The following PTPRT variants were observed in gnomAD, a reference collection of about 807,000 sequenced individuals.
PTPRT encodes the protein receptor-type tyrosine-protein phosphatase T.
A neutral mutation model predicts 176.8 loss-of-function variants in PTPRT; 56 were observed. The ratio of observed to expected loss-of-function variants is 0.32; its 90% CI spans 0.26 to 0.40. The LOEUF (loss-of-function observed/expected upper bound fraction) is 0.40, where lower values mean the gene tolerates loss of function less well. Ranked by LOEUF, PTPRT falls within the 10% of genes least tolerant of loss-of-function variation. The pLI, the probability that PTPRT is intolerant of heterozygous loss-of-function variation, is 1.00. For missense variants in PTPRT, 1,540 were observed against 1,908.2 expected (o/e 0.81, Z 3.60); for synonymous variants, 783 against 739.0 (o/e 1.06, Z -0.96).
intron 12 of PTPRT, among the ~76,000 whole-genome samples, chr20:42,289,175 G>T (rs1185029386): frequency 6.6e-6 from 1 of 151,984 alleles, no homozygotes; most frequent in Admixed American, 6.6e-5. Context: ...AAAAATCCTA[G>T]AAGAAAACCT....
intron 6 of PTPRT, among the ~76,000 whole-genome samples, chr20:42,717,473 C>G (rs1261280892): frequency 6.6e-6 from 1 of 151,982 alleles, no homozygotes; most frequent in African/African-American, 2.4e-5. Context: ...ATCAAAGTGA[C>G]AGTTTTTATA....
chr20:42,351,231 C>T (rs192371604), intron 10 of PTPRT, among the ~76,000 whole-genome samples: 1 of 152,092 alleles, frequency 6.6e-6, no homozygotes, highest in East Asian at 1.9e-4. Context: ...TATTAAAACC[C>T]ACATCCTTTT....
intron 1 of PTPRT, among the ~76,000 whole-genome samples, chr20:42,946,785 C>A (rs140399563): frequency 1.3e-5 from 2 of 152,180 alleles, no homozygotes; most frequent in Admixed American, 6.5e-5. Flanking sequence ...GGATTTACAA[C>A]GGGGTTTCTC....
intron 14 of PTPRT, among the ~76,000 whole-genome samples, chr20:42,241,626 T>G (rs2056355864): frequency 6.6e-6 from 1 of 151,958 alleles, no homozygotes; most frequent in African/African-American, 2.4e-5. Flanking sequence ...AGGTCAGCAG[T>G]GTGCAAGGTG....
At chr20:42,806,956 C>T (rs762767612) in intron 2 of PTPRT, among the ~76,000 whole-genome samples, 3 of 152,166 alleles carry the variant, frequency 2.0e-5, no homozygotes, top group Admixed American at 6.5e-5. Flanking sequence ...AGAAGTATTC[C>T]TTCCAGCCCA....
At chr20:42,142,530 A>C (rs1988676906) in intron 17 of PTPRT, among the ~76,000 whole-genome samples, 1 of 152,162 alleles carries the variant, frequency 6.6e-6, no homozygotes, top group South Asian at 2.1e-4. Context: ...GGCTTCTCCA[A>C]GAAGGTAACA....
intron 24 of PTPRT, among the ~76,000 whole-genome samples, chr20:42,105,666 C>A (rs1986371854): frequency 6.6e-6 from 1 of 152,230 alleles, no homozygotes; most frequent in African/African-American, 2.4e-5. Context: ...ACCAGCAAGC[C>A]TGGCTTCTGC....
intron 6 of PTPRT, among the ~76,000 whole-genome samples, chr20:42,746,470 C>T (rs1268596794): frequency 6.6e-6 from 1 of 152,044 alleles, no homozygotes; most frequent in Non-Finnish European, 1.5e-5. Context: ...ATAGCCATGG[C>T]CTCTGACCCA....
chr20:42,870,563 T>C (rs148319038), intron 2 of PTPRT, among the ~76,000 whole-genome samples: 1 of 152,372 alleles, frequency 6.6e-6, no homozygotes, highest in East Asian at 1.9e-4. Context: ...GGACTGCACA[T>C]ATGAAGGTGG....
At chr20:42,670,264 A>G (rs1251631318) in intron 7 of PTPRT, among the ~76,000 whole-genome samples, 1 of 152,190 alleles carries the variant, frequency 6.6e-6, no homozygotes, top group Non-Finnish European at 1.5e-5. Flanking sequence ...TGCAAGGCAT[A>G]TAACTTATCT....
intron 17 of PTPRT, among the ~76,000 whole-genome samples, chr20:42,154,599 C>T (rs950780055): frequency 6.6e-6 from 1 of 152,216 alleles, no homozygotes; most frequent in African/African-American, 2.4e-5. Flanking sequence ...CTTCTGGTTG[C>T]CCTACTGGGC....
At chr20:42,532,589 G>A (rs954378969) in intron 7 of PTPRT, among the ~76,000 whole-genome samples, 1 of 152,142 alleles carries the variant, frequency 6.6e-6, no homozygotes, top group African/African-American at 2.4e-5. Context: ...AAATGTTTTG[G>A]TAAAGATAGT....
intron 7 of PTPRT, among the ~76,000 whole-genome samples, chr20:42,655,225 C>A (rs1238429540): frequency 6.6e-6 from 1 of 152,216 alleles, no homozygotes; most frequent in Non-Finnish European, 1.5e-5. Context: ...TGCAGTGGCT[C>A]ACGCCTGTAA....
chr20:42,848,744 C>G (rs969231103), intron 2 of PTPRT, among the ~76,000 whole-genome samples: 2 of 152,180 alleles, frequency 1.3e-5, no homozygotes, highest in Admixed American at 1.3e-4. Flanking sequence ...GGCAAAATTT[C>G]TCTCCCATTT....
At chr20:42,574,127 TGCAGAGCCAG>T (rs1226524587) in intron 7 of PTPRT, among the ~76,000 whole-genome samples, 1 of 152,180 alleles carries the variant, frequency 6.6e-6, no homozygotes, top group Non-Finnish European at 1.5e-5. Context: ...CTATGTGGGT[TGCAGAGCCAG>T]GCAGAGCATT....
chr20:42,650,908 A>G (rs2075017770), intron 7 of PTPRT, among the ~76,000 whole-genome samples: 1 of 152,104 alleles, frequency 6.6e-6, no homozygotes, highest in Admixed American at 6.5e-5. Flanking sequence ...CACAATTAAG[A>G]AACCCCAGCA....
At position 42,479,083 on chromosome 20, in the gene PTPRT, T is replaced by G. The variant is rs2071338060; in HGVS notation, c.1154-6521A>C. Among the ~76,000 whole-genome samples the G allele has an allele frequency of 2.6e-5, 4 of 152,196 alleles. No homozygotes were observed. In the South Asian group the frequency reaches 8.3e-4, roughly 32 times the overall value. On this transcript the variant is annotated intron_variant, in intron 7 of 30. Transcript: ENST00000373187. ...AATTGGCTCCCTTTTTTGTTCTGTA[T>G]GGACTCAGCCTCCATCCCTGCTGTC...
intron 9 of PTPRT, among the ~76,000 whole-genome samples, chr20:42,398,156 GTAAAAAAAAATACA>G: frequency 6.6e-6 from 1 of 151,578 alleles, no homozygotes; most frequent in Non-Finnish European, 1.5e-5. Flanking sequence ...AAAAAAAATT[GTAAAAAAAAATACA>G]TACATGAGAG....
At chr20:43,086,980 A>G (rs2011624320) in intron 1 of PTPRT, among the ~76,000 whole-genome samples, 2 of 152,214 alleles carry the variant, frequency 1.3e-5, no homozygotes, top group African/African-American at 4.8e-5. Context: ...ACAAACATAT[A>G]CAATTGTGTG....
Sources: allele counts gnomAD v4.1 joint callset (sites outside exome capture counted in the v4.1 genomes callset), GRCh38; gene constraint gnomAD v4.1.1; transcripts MANE v1.5; gene names NCBI Gene and HGNC (gene_info 2026-07-23, HGNC 2026-07-21).